Variants in RBFOX1 observed in about 807,000 individuals in gnomAD.
The protein encoded by RBFOX1 is RNA binding protein fox-1 homolog 1.
A neutral mutation model predicts 57.7 loss-of-function variants in RBFOX1; 8 were observed. The ratio of observed to expected loss-of-function variants is 0.14; its 90% CI spans 0.08 to 0.25. The LOEUF is 0.25. Ranked by LOEUF, RBFOX1 falls within the 10% of genes least tolerant of loss-of-function variation. The pLI is 1.00. For synonymous variants in RBFOX1, 326 were observed against 222.4 expected (o/e 1.47, Z -4.15); for missense variants, 611 against 548.5 (o/e 1.11, Z -1.14).
chr16:7,625,712 T>C (rs2059977573), intron 10 of RBFOX1, among the ~76,000 whole-genome samples: 1 of 152,230 alleles, frequency 6.6e-6, no homozygotes, highest in Non-Finnish European at 1.5e-5. Context: ...TTATTCACCA[T>C]GTACTGACTT....
At chr16:6,430,408 G>A (rs981540618) in intron 2 of RBFOX1, among the ~76,000 whole-genome samples, 1 of 152,222 alleles carries the variant, frequency 6.6e-6, no homozygotes, top group Non-Finnish European at 1.5e-5. Flanking sequence ...CTGTCAGAGT[G>A]CAAGAGCTTG....
chr16:6,606,343 T>C (rs1364916883), intron 2 of RBFOX1, among the ~76,000 whole-genome samples: 1 of 152,164 alleles, frequency 6.6e-6, no homozygotes, highest in Non-Finnish European at 1.5e-5. Context: ...TGGGGTTGCA[T>C]GTCTCAAAAA....
chr16:6,975,348 C>G (rs1001705122), intron 3 of RBFOX1, among the ~76,000 whole-genome samples: 1 of 152,070 alleles, frequency 6.6e-6, no homozygotes. Flanking sequence ...TCACTGCAAT[C>G]TCCGACTCCT....
chr16:6,523,728 G>A (rs1366081914), intron 2 of RBFOX1, among the ~76,000 whole-genome samples: 1 of 152,112 alleles, frequency 6.6e-6, no homozygotes, highest in Non-Finnish European at 1.5e-5. Flanking sequence ...CATCAGAACA[G>A]CCACATAGCC....
At chr16:7,501,778 C>A (rs185533889) in intron 4 of RBFOX1, among the ~76,000 whole-genome samples, 1 of 152,310 alleles carries the variant, frequency 6.6e-6, no homozygotes, top group East Asian at 1.9e-4. Context: ...AAAACCTTAC[C>A]TGATAAATCA....
chr16:5,708,027 ATTG>A (rs1261277872), intron 3 of RBFOX1, among the ~76,000 whole-genome samples: 1 of 152,128 alleles, frequency 6.6e-6, no homozygotes, highest in Non-Finnish European at 1.5e-5. Context: ...ATGGTTAATT[ATTG>A]TTGTTGAAAG....
Position 5,544,951 on chromosome 16 carries a change from C to CTTTTTTTTT in RBFOX1, c.259-53916_259-53908dup, listed in dbSNP as rs59873374. 1.5e-3 allele frequency among the ~76,000 whole-genome samples: 192 copies of CTTTTTTTTT among 124,346 alleles called. 9 individuals are homozygous for CTTTTTTTTT. The highest frequency in any genetic ancestry group is 2.2e-3 in the African/African-American group (63 of 29,010). The allele number at this position is 124,346 out of a possible 152,430, so 81.6% of individuals were successfully genotyped here. A position where few individuals can be genotyped will look rare whatever the true frequency, so the allele number is the denominator to read the frequency against. ...GTATAGATGGCCTTACTATTACATT[C>CTTTTTTTTT]TTTTTTTTTTTTTTTTTTTTTTTTT... On this transcript the variant is annotated intron_variant, in intron 2 of 2. Coordinates refer to the RBFOX1 transcript ENST00000585867.
intron 1 of RBFOX1, among the ~76,000 whole-genome samples, chr16:6,054,030 C>A (rs981947490): frequency 6.6e-6 from 1 of 151,988 alleles, no homozygotes; most frequent in African/African-American, 2.4e-5. Flanking sequence ...GCCTGCGCAA[C>A]AGAATGAGAC....
In RBFOX1 at chr16:6,659,051, C is replaced by T. The variant is rs1291775756; in HGVS notation, c.-16+4401C>T. Among the ~76,000 whole-genome samples the T allele has an allele frequency of 2.0e-5, 3 of 151,544 alleles. No homozygotes were observed. In the South Asian group the frequency reaches 6.3e-4, roughly 32 times the overall value. On this transcript the variant is annotated intron_variant, in intron 3 of 15. Transcript: ENST00000550418. The stretch of plus-strand genomic sequence containing the variant: ...GGAGTGGCTGTATGGCCTCACAAAA[C>T]CCGATGCGTTTGACATTTACAGTAC...
chr16:7,111,340 G>A (rs1000690504), intron 4 of RBFOX1, among the ~76,000 whole-genome samples: 6 of 152,120 alleles, frequency 3.9e-5, no homozygotes, highest in East Asian at 1.9e-4. Context: ...CTTTGCAGAC[G>A]GAGCTGAGCG....
At chr16:6,932,633 C>T (rs1038492709) in intron 3 of RBFOX1, among the ~76,000 whole-genome samples, 1 of 152,164 alleles carries the variant, frequency 6.6e-6, no homozygotes, top group Non-Finnish European at 1.5e-5. Context: ...AAACATCTAG[C>T]CCCAGGCATC....
intron 1 of RBFOX1, among the ~76,000 whole-genome samples, chr16:5,267,011 C>A (rs945094815): frequency 6.6e-5 from 10 of 151,990 alleles, no homozygotes; most frequent in African/African-American, 2.2e-4. Flanking sequence ...TTAATTTGAA[C>A]TACTCTGAAA....
intron 3 of RBFOX1, among the ~76,000 whole-genome samples, chr16:6,915,620 A>C (rs376869038): frequency 7.0e-6 from 1 of 142,554 alleles, no homozygotes; most frequent in South Asian, 2.3e-4. Flanking sequence ...CCATGATCTC[A>C]GGTCACTGCA....
intron 2 of RBFOX1, among the ~76,000 whole-genome samples, chr16:6,654,082 T>C (rs898415614): frequency 3.4e-5 from 5 of 146,876 alleles, no homozygotes; most frequent in Non-Finnish European, 7.5e-5. Flanking sequence ...GAATGGATGA[T>C]TAGATCAATG....
chr16:7,174,022 T>G (rs1033757265), intron 4 of RBFOX1, among the ~76,000 whole-genome samples: 8 of 152,216 alleles, frequency 5.3e-5, no homozygotes, highest in Non-Finnish European at 1.0e-4. Flanking sequence ...TGGAGTATAT[T>G]CATTAAACAA....
intron 4 of RBFOX1, among the ~76,000 whole-genome samples, chr16:7,467,197 G>C (rs1228871128): frequency 1.3e-5 from 2 of 152,150 alleles, no homozygotes; most frequent in African/African-American, 2.4e-5. Context: ...GCTAATATAA[G>C]AATTCTGAGT....
chr16:7,206,140 G>T (rs6500925), intron 4 of RBFOX1, among the ~76,000 whole-genome samples: 4,017 of 152,090 alleles, frequency 0.026, 83 homozygotes, highest in Non-Finnish European at 0.046. Context: ...ACATAATCTT[G>T]TACACACAGT....
intron 2 of RBFOX1, among the ~76,000 whole-genome samples, chr16:5,518,144 C>T (rs757127876): frequency 6.6e-6 from 1 of 152,120 alleles, no homozygotes; most frequent in Non-Finnish European, 1.5e-5. Context: ...AAATTAAATG[C>T]AAACAGACCT....
intron 3 of RBFOX1, among the ~76,000 whole-genome samples, chr16:5,787,059 A>C (rs1237907241): frequency 6.6e-6 from 1 of 152,162 alleles, no homozygotes; most frequent in Non-Finnish European, 1.5e-5. Flanking sequence ...TTGCTTAAAC[A>C]GGAGGTGGAG....
Sources: gnomAD v4.1 joint callset for allele counts (sites outside exome capture counted in the v4.1 genomes callset) on GRCh38, gnomAD v4.1.1 for gene constraint, MANE v1.5 for transcripts, NCBI Gene and HGNC (gene_info 2026-07-23, HGNC 2026-07-21) for gene names.